IPPK: variants seen among roughly 807,000 people sequenced by gnomAD.
The protein encoded by IPPK is IPK1 homolog.
Under a neutral mutation model 64.6 loss-of-function variants are expected in IPPK, and 22 were observed. The ratio of observed to expected loss-of-function variants is 0.34; its 90% CI spans 0.24 to 0.49. The LOEUF (loss-of-function observed/expected upper bound fraction) is 0.49. Among genes scored for constraint, IPPK ranks in the 20% least tolerant of loss-of-function variants. The pLI, the probability that IPPK is intolerant of heterozygous loss-of-function variation, is 0.99. For missense variants in IPPK, 532 were observed against 630.7 expected (o/e 0.84, Z 1.68); for synonymous variants, 262 against 247.2 (o/e 1.06, Z -0.56).
intron 11 of IPPK, among the ~76,000 whole-genome samples, chr9:92,630,949 G>C (rs1296645567): frequency 6.6e-6 from 1 of 152,146 alleles, no homozygotes; most frequent in African/African-American, 2.4e-5. Flanking sequence ...GCCAAATGCA[G>C]CCCACCACCT....
At position 92,648,052 on chromosome 9, in the gene IPPK, C is replaced by T; in HGVS notation, c.504+7G>A. On this transcript the variant is annotated splice_region_variant and intron_variant, in intron 6 of 12. Coordinates refer to ENST00000287996, the MANE Select transcript of IPPK (RefSeq NM_022755.6). ...AGAGTAGCCCACAGCTGGGCATTGG[C>T]TCTCACCTTGAGGTGCTGGTGCATG... is the stretch of plus-strand genomic sequence containing the variant. The T allele has an allele frequency of 6.2e-7, 1 of 1,608,530 alleles. No individual in the cohort carries two copies. The highest frequency in any genetic ancestry group is 8.5e-7 in the Non-Finnish European group (1 of 1,176,042).
chr9:92,624,381 C>G (rs1406672114), intron 11 of IPPK, among the ~76,000 whole-genome samples: 6 of 152,176 alleles, frequency 3.9e-5, no homozygotes, highest in East Asian at 3.9e-4. Flanking sequence ...ATTACTTGAA[C>G]CCGGGAGGCG....
At position 92,643,591 on chromosome 9, in the gene IPPK, TAA is replaced by T. The variant is rs61473644; in HGVS notation, c.505-783_505-782del. Among the ~76,000 whole-genome samples the T allele has an allele frequency of 5.4e-4, 76 of 139,782 alleles. No homozygotes were observed. In the East Asian group the frequency reaches 9.8e-3, roughly 18 times the overall value. The allele number at this position is 139,782 out of a possible 152,430, so 91.7% of individuals were successfully genotyped here. On this transcript the variant is annotated intron_variant, in intron 6 of 12. Coordinates refer to ENST00000287996, the MANE Select transcript of IPPK (RefSeq NM_022755.6). ...GATACAGTGTAATGTCAATTTTGCT[TAA>T]AAAAAAAAAAAAGCTTATGTGCAAA... is the stretch of plus-strand genomic sequence containing the variant.
chr9:92,664,753 G>C (rs568017312), intron 1 of IPPK, among the ~76,000 whole-genome samples: 3 of 152,340 alleles, frequency 2.0e-5, no homozygotes, highest in Admixed American at 1.3e-4. Flanking sequence ...GGAGTGGCCG[G>C]GCCCTAGGCA....
At chr9:92,659,286 ATG>A (rs1318047067) in intron 1 of IPPK, among the ~76,000 whole-genome samples, 1 of 152,184 alleles carries the variant, frequency 6.6e-6, no homozygotes, top group Admixed American at 6.5e-5. Flanking sequence ...TCAGAGGATT[ATG>A]GGTCCACTTA....
intron 11 of IPPK, among the ~76,000 whole-genome samples, chr9:92,622,491 A>AGT (rs1851659478): frequency 1.3e-5 from 2 of 152,164 alleles, no homozygotes; most frequent in African/African-American, 4.8e-5. Context: ...CTGCATAATC[A>AGT]AACACTTTTA....
At chr9:92,637,953 A>G in intron 9 of IPPK, 48 bp downstream of exon 9, 2 of 1,469,636 alleles carry the variant, frequency 1.4e-6, no homozygotes, top group African/African-American at 1.4e-5. Context: ...GCAGAGTCCC[A>G]AGGCCCCTGC....
intron 11 of IPPK, among the ~76,000 whole-genome samples, chr9:92,632,468 TA>T (rs1259535678): frequency 1.3e-5 from 2 of 152,328 alleles, no homozygotes; most frequent in East Asian, 3.9e-4. Flanking sequence ...GTTAAAAGAT[TA>T]AAGTAAAATT....
rs998161174 is a variant in IPPK, at chr9:92,614,703, C to G, written c.*1129G>C. On this transcript the variant is annotated 3_prime_UTR_variant, in exon 13 of 13. Coordinates refer to ENST00000287996, the MANE Select transcript of IPPK (RefSeq NM_022755.6). ...TAATATTATATGTTACAATAAGCCT[C>G]CATTAGTCCCTCAAAACGATGATAT... 1.3e-5 allele frequency: 2 copies of G among 152,624 alleles called. No individual in the cohort carries two copies. The highest frequency in any genetic ancestry group is 4.8e-5 in the African/African-American group (2 of 41,436). 9.5% of individuals were successfully genotyped at this position (152,624 alleles called of 1,614,324 possible).
At chr9:92,640,806 G>A in intron 7 of IPPK, 24 bp from the exon 8 acceptor site, 2 of 1,538,256 alleles carry the variant, frequency 1.3e-6, no homozygotes, top group Non-Finnish European at 9.0e-7. Flanking sequence ...GCATTAACAT[G>A]CTTTAAATGC....
At position 92,616,045 on chromosome 9, in the gene IPPK, C is replaced by T; in HGVS notation, c.1263G>A (p.Arg421=). Residue 421 remains arginine (R), a synonymous_variant, in exon 13 of 13, where the codon AGG becomes AGA. Transcript: ENST00000287996. ...TGGACCTCGATGAAGGGACGACAGG[C>T]CTTTGATCAGAGCTGCAAGTAAAAA... is the stretch of plus-strand genomic sequence containing the variant. ...PCLQDASSDQ[R]PVVPSSRSRF... 6.2e-7 allele frequency: 1 copy of T among 1,613,722 alleles called. No homozygotes were observed. The highest frequency in any genetic ancestry group is 2.2e-5 in the East Asian group (1 of 44,886).
intron 12 of IPPK, chr9:92,616,776 T>A (rs1851450934): frequency 6.6e-6 from 1 of 152,360 alleles, no homozygotes; most frequent in South Asian, 2.1e-4. Context: ...CTCTGACTGC[T>A]GTGTGTCCCG....
chr9:92,643,466 A>G (rs143630902), intron 6 of IPPK, among the ~76,000 whole-genome samples: 345 of 152,348 alleles, frequency 2.3e-3, no homozygotes, highest in Non-Finnish European at 3.9e-3. Flanking sequence ...AATTTATTGA[A>G]TGAAGAAATG....
intron 12 of IPPK, chr9:92,619,049 G>A (rs1430468398): frequency 4.4e-6 from 1 of 229,878 alleles, no homozygotes; most frequent in African/African-American, 2.3e-5. Context: ...CAGAATGAAT[G>A]CGCGCCTCAC....
intron 12 of IPPK, chr9:92,619,041 G>C (rs1851538006): frequency 4.4e-6 from 1 of 228,868 alleles, no homozygotes; most frequent in Non-Finnish European, 8.7e-6. Context: ...AGAGGAAGCA[G>C]AATGAATGCG....
chr9:92,656,192 C>G (rs1253578222), intron 3 of IPPK, among the ~76,000 whole-genome samples: 2 of 152,156 alleles, frequency 1.3e-5, no homozygotes, highest in African/African-American at 4.8e-5. Context: ...AGCCCTCACC[C>G]AGCAGGAGCC....
At chr9:92,659,061 T>G (rs1852429160) in intron 1 of IPPK, among the ~76,000 whole-genome samples, 1 of 152,236 alleles carries the variant, frequency 6.6e-6, no homozygotes, top group South Asian at 2.1e-4. Context: ...CGGACACAGA[T>G]TTGTGGTTAT....
intron 6 of IPPK, among the ~76,000 whole-genome samples, chr9:92,645,629 GCAC>G (rs1852136567): frequency 6.6e-6 from 1 of 151,894 alleles, no homozygotes; most frequent in African/African-American, 2.4e-5. Context: ...CCCATACAAA[GCAC>G]CTTCCCTAAG....
At position 92,656,485 on chromosome 9, in the gene IPPK, ACTC is replaced by A. The variant is rs1254216836; in HGVS notation, c.193_195del (p.Glu65del). 1 of 1,611,462 alleles carries A rather than the reference ACTC, an allele frequency of 6.2e-7. No homozygotes were observed. The highest frequency in any genetic ancestry group is 1.3e-5 in the African/African-American group (1 of 74,624). On this transcript the variant is annotated inframe_deletion, in exon 3 of 13. Coordinates refer to ENST00000287996, the MANE Select transcript of IPPK (RefSeq NM_022755.6). The stretch of plus-strand genomic sequence containing the variant: ...TAATGAACATAGTTCTCCCCCAAAA[ACTC>A]CTTCATGACATTTTTCCCAAAGTCC...
Sources: allele counts gnomAD v4.1 joint callset (sites outside exome capture counted in the v4.1 genomes callset), GRCh38; gene constraint gnomAD v4.1.1; transcripts MANE v1.5; gene names NCBI Gene and HGNC (gene_info 2026-07-23, HGNC 2026-07-21).